Variants in SGF29 observed in about 807,000 individuals in gnomAD.
SGF29 encodes the protein SAGA complex associated factor 29, also known as SAGA-associated factor 29.
A neutral mutation model predicts 38.1 loss-of-function variants in SGF29; 15 were observed. The ratio of observed to expected loss-of-function variants is 0.39; its 90% CI spans 0.26 to 0.61. The LOEUF (loss-of-function observed/expected upper bound fraction) is 0.61. Among genes scored for constraint, SGF29 ranks in the 20% least tolerant of loss-of-function variants. The probability of loss-of-function intolerance (pLI) is 0.49; values close to 1 mark genes in which losing one functional copy is unlikely to be tolerated. For missense variants in SGF29, 184 were observed against 394.6 expected (o/e 0.47, Z 4.52); for synonymous variants, 151 against 160.8 (o/e 0.94, Z 0.46).
intron 1 of SGF29, among the ~76,000 whole-genome samples, chr16:28,555,549 G>A (rs776792388): frequency 6.6e-6 from 1 of 152,154 alleles, no homozygotes; most frequent in Non-Finnish European, 1.5e-5. Context: ...CATTGTTTGA[G>A]GGTCAACTGT....
At chr16:28,572,587 G>T (rs578057217) in intron 1 of SGF29, among the ~76,000 whole-genome samples, 1 of 152,296 alleles carries the variant, frequency 6.6e-6, no homozygotes, top group South Asian at 2.1e-4. Flanking sequence ...GTTTCTAAAG[G>T]CGTGTTGCAG....
At chr16:28,589,951 G>A (rs910335352) in intron 5 of SGF29, 145 bp from the exon 6 acceptor site, 24 of 1,173,224 alleles carry the variant, frequency 2.0e-5, no homozygotes, top group East Asian at 7.7e-5. Context: ...ACACATGGCC[G>A]ATGGGGTCAC....
At chr16:28,580,081 T>C (rs2046916532) in intron 1 of SGF29, among the ~76,000 whole-genome samples, 1 of 152,126 alleles carries the variant, frequency 6.6e-6, no homozygotes, top group Admixed American at 6.5e-5. Flanking sequence ...ATACCAGAAA[T>C]GTTTGAATCA....
chr16:28,561,217 C>T (rs1354036418), intron 1 of SGF29, among the ~76,000 whole-genome samples: 2 of 151,816 alleles, frequency 1.3e-5, no homozygotes, highest in East Asian at 3.9e-4. Flanking sequence ...CATAGTGAGA[C>T]CCCATCTCTA....
chr16:28,556,288 G>A (rs2151639889), intron 1 of SGF29, among the ~76,000 whole-genome samples: 1 of 152,240 alleles, frequency 6.6e-6, no homozygotes, highest in Non-Finnish European at 1.5e-5. Context: ...TCCTGCCTCA[G>A]CCTCCTGAGT....
chr16:28,557,054 C>A lies in SGF29; in HGVS notation c.-16+2957C>A, dbSNP rs2046757263. Among the ~76,000 whole-genome samples the A allele has an allele frequency of 2.0e-5, 3 of 152,134 alleles. No homozygotes were observed. In the South Asian group the frequency reaches 6.2e-4, roughly 31 times the overall value. The stretch of plus-strand genomic sequence containing the variant: ...AGAACAAAGCTCTTACTGTTTTAAG[C>A]CCTGTGGGATTAATCTTAGAGTGGC... On this transcript the variant is annotated intron_variant, in intron 1 of 9. Coordinates refer to ENST00000317058, the MANE Select transcript of SGF29 (RefSeq NM_138414.3).
chr16:28,585,246 T>G, intron 3 of SGF29: 1 of 515,470 alleles, frequency 1.9e-6, no homozygotes, highest in South Asian at 2.8e-5. Flanking sequence ...AGCGCCCCAG[T>G]TAGCTGGTGT....
At chr16:28,584,642 A>T (rs2046944720) in intron 2 of SGF29, among the ~76,000 whole-genome samples, 1 of 152,124 alleles carries the variant, frequency 6.6e-6, no homozygotes. Context: ...ACAAAAAATT[A>T]ACCAGGCGTG....
chr16:28,559,278 C>T (rs892155387), intron 1 of SGF29, among the ~76,000 whole-genome samples: 2 of 152,174 alleles, frequency 1.3e-5, no homozygotes, highest in Admixed American at 6.5e-5. Context: ...TGTAATTACA[C>T]CACTTCACTC....
chr16:28,575,555 G>C (rs374130207), intron 1 of SGF29, among the ~76,000 whole-genome samples: 2 of 152,136 alleles, frequency 1.3e-5, no homozygotes, highest in African/African-American at 4.8e-5. Flanking sequence ...TTTGTGGTGC[G>C]TGCCTTGTAA....
At chr16:28,576,517 G>A (rs1005425566) in intron 1 of SGF29, among the ~76,000 whole-genome samples, 2 of 151,826 alleles carry the variant, frequency 1.3e-5, no homozygotes, top group African/African-American at 4.8e-5. Context: ...CCTGGCCAAC[G>A]TGGTGAAACC....
chr16:28,589,303 T>G, intron 5 of SGF29, 139 bp downstream of exon 5: 10 of 798,346 alleles, frequency 1.3e-5, no homozygotes, highest in Middle Eastern at 3.7e-4. Context: ...AGACTGGCTC[T>G]ACCACTGAGA....
At chr16:28,565,907 G>A (rs1794091829) in intron 1 of SGF29, among the ~76,000 whole-genome samples, 1 of 152,090 alleles carries the variant, frequency 6.6e-6, no homozygotes, top group Admixed American at 6.6e-5. Flanking sequence ...CTCAAAGACT[G>A]GACAAACTAG....
chr16:28,558,271 A>G (rs1596594797), intron 1 of SGF29, among the ~76,000 whole-genome samples: 2 of 147,150 alleles, frequency 1.4e-5, no homozygotes, highest in African/African-American at 5.0e-5. Context: ...ATGCCCAGCT[A>G]ATTTTTTTTT....
At position 28,583,294 on chromosome 16, in the gene SGF29, C is replaced by A. The variant is rs1305206947; in HGVS notation, c.76-1619C>A. Among the ~76,000 whole-genome samples the A allele has an allele frequency of 2.0e-5, 3 of 152,206 alleles. No individual in the cohort carries two copies. In the East Asian group the frequency reaches 5.8e-4, roughly 29 times the overall value. Reference sequence around the variant, plus strand: ...CTCTCCATTTGTGATTGGTTTTCACCCAAACTTTTCCACCTTTGTAAGGGA... The same window carrying A: ...CTCTCCATTTGTGATTGGTTTTCACACAAACTTTTCCACCTTTGTAAGGGA... On this transcript the variant is annotated intron_variant, in intron 2 of 9. Coordinates refer to ENST00000317058, the MANE Select transcript of SGF29 (RefSeq NM_138414.3).
At chr16:28,586,303 G>A (rs984820485) in intron 4 of SGF29, among the ~76,000 whole-genome samples, 3 of 151,970 alleles carry the variant, frequency 2.0e-5, no homozygotes, top group African/African-American at 4.8e-5. Flanking sequence ...GCCTGCAATC[G>A]CAAGGTGGGT....
chr16:28,577,846 T>G (rs544499726), intron 1 of SGF29, among the ~76,000 whole-genome samples: 1 of 152,340 alleles, frequency 6.6e-6, no homozygotes, highest in African/African-American at 2.4e-5. Context: ...CATGTGGATA[T>G]TCAGTTGTCC....
chr16:28,572,406 T>C (rs1252468752), intron 1 of SGF29, among the ~76,000 whole-genome samples: 3 of 151,880 alleles, frequency 2.0e-5, no homozygotes, highest in Non-Finnish European at 4.4e-5. Flanking sequence ...GTAGCTGGGA[T>C]TACAGGCACC....
intron 1 of SGF29, 60 bp downstream of exon 1, chr16:28,554,157 G>C (rs539127420): frequency 6.6e-6 from 1 of 152,312 alleles, no homozygotes; most frequent in South Asian, 2.1e-4. Flanking sequence ...GAAGGGCTGA[G>C]TCCTCCCTCC....
Sources: allele counts gnomAD v4.1 joint callset (sites outside exome capture counted in the v4.1 genomes callset), GRCh38; gene constraint gnomAD v4.1.1; transcripts MANE v1.5; gene names NCBI Gene and HGNC (gene_info 2026-07-23, HGNC 2026-07-21).